KCTD1: variants seen among roughly 807,000 people sequenced by gnomAD.
KCTD1 encodes the protein BTB/POZ domain-containing protein KCTD1.
KCTD1 carries 24 observed loss-of-function variants against 66.0 expected under a neutral mutation model. That is an observed-to-expected ratio of 0.36 (90% CI 0.26 to 0.51). The LOEUF (loss-of-function observed/expected upper bound fraction) is 0.51. KCTD1 is among the 20% of genes least tolerant of loss of function. KCTD1 has a pLI of 0.95. For synonymous variants in KCTD1, 511 were observed against 517.2 expected (o/e 0.99, Z 0.16); for missense variants, 943 against 1,205.2 (o/e 0.78, Z 3.22).
intron 1 of KCTD1, among the ~76,000 whole-genome samples, chr18:26,634,246 G>A (rs1019275519): frequency 6.6e-6 from 1 of 152,184 alleles, no homozygotes; most frequent in African/African-American, 2.4e-5. Flanking sequence ...TGCACCTCTA[G>A]ACTAGCACAC....
intron 1 of KCTD1, among the ~76,000 whole-genome samples, chr18:26,579,161 C>A (rs1374321037): frequency 6.6e-6 from 1 of 152,152 alleles, no homozygotes; most frequent in African/African-American, 2.4e-5. Context: ...CCTCCAGCAC[C>A]TAGCTGGGCA....
At chr18:26,586,012 G>A (rs1986463250) in intron 1 of KCTD1, among the ~76,000 whole-genome samples, 1 of 152,158 alleles carries the variant, frequency 6.6e-6, no homozygotes, top group Non-Finnish European at 1.5e-5. Flanking sequence ...TCCAGCCTGG[G>A]CCACAGAGGA....
Position 26,547,550 on chromosome 18 carries a change from C to T in KCTD1, c.987G>A (p.Leu329=), listed in dbSNP as rs747001337. The T allele has an allele frequency of 4.5e-6, 7 of 1,551,542 alleles. No homozygotes were observed. The African/African-American group carries it at 9.6e-5, about 21-fold the overall frequency. Reference sequence around the variant, plus strand: ...TGGCCAGCCCAAAAGAGTCCTCCTCCAACTCACGCTGGTTCTCGCGGCCGC... The same window carrying T: ...TGGCCAGCCCAAAAGAGTCCTCCTCTAACTCACGCTGGTTCTCGCGGCCGC... ...CTRGRENQRE[L]EEDSFGLAMD... is the part of the protein sequence containing the mutation. Residue 329 remains leucine, a synonymous_variant, in exon 1 of 5, where the codon TTG becomes TTA. Coordinates refer to ENST00000580059, the MANE Select transcript of KCTD1 (RefSeq NM_001142730.3).
intron 1 of KCTD1, among the ~76,000 whole-genome samples, chr18:26,638,784 C>G (rs532323260): frequency 6.6e-6 from 1 of 152,236 alleles, no homozygotes; most frequent in African/African-American, 2.4e-5. Context: ...TCTTTCCTGA[C>G]TTTCTGACCT....
At chr18:26,619,790 G>A (rs1252493308) in intron 1 of KCTD1, among the ~76,000 whole-genome samples, 1 of 152,202 alleles carries the variant, frequency 6.6e-6, no homozygotes, top group Non-Finnish European at 1.5e-5. Flanking sequence ...CTGCAGAGTG[G>A]AGAGATGAAG....
upstream of KCTD1, among the ~76,000 whole-genome samples, chr18:26,631,153 C>A (rs568898351): frequency 5.3e-5 from 8 of 152,250 alleles, no homozygotes; most frequent in South Asian, 1.7e-3. Context: ...GAATCAAGCA[C>A]CTTATCAATA....
chr18:26,513,975 A>G (rs902308506), intron 1 of KCTD1, among the ~76,000 whole-genome samples: 3 of 152,254 alleles, frequency 2.0e-5, no homozygotes, highest in East Asian at 1.9e-4. Flanking sequence ...CTCCACTGGC[A>G]GGAGAAAACA....
intron 1 of KCTD1, among the ~76,000 whole-genome samples, chr18:26,561,643 C>T (rs1000352621): frequency 6.6e-6 from 1 of 152,190 alleles, no homozygotes; most frequent in Non-Finnish European, 1.5e-5. Flanking sequence ...TGCTCACAGC[C>T]ACTGATGAAG....
upstream of KCTD1, chr18:26,549,787 G>C (rs906656613): frequency 3.2e-5 from 32 of 985,394 alleles, no homozygotes; most frequent in Non-Finnish European, 2.4e-6. Context: ...CAGGCGCGCG[G>C]GGGCGGGCAC....
intron 1 of KCTD1, among the ~76,000 whole-genome samples, chr18:26,634,555 C>T (rs1019223664): frequency 4.0e-5 from 6 of 151,854 alleles, no homozygotes; most frequent in East Asian, 1.9e-4. Context: ...GCTAAAAGAC[C>T]GAGCTAAAAA....
rs764377207 is a variant in KCTD1 at position 26,455,853 on chromosome 18, C to A, written c.2488G>T (p.Gly830Trp). Residue 830 changes from glycine (G) to tryptophan (W), a missense_variant, in exon 5 of 5, where the codon GGG (glycine) becomes TGG (tryptophan). This residue lies in a region of KCTD1 where 162 missense variants were observed against 232.4 expected (regional missense o/e 0.70). Transcript: ENST00000580059. ...QRGFEIVGSC[G>W]GGVDSSQFSE... ...AACTGGGACGAGTCTACTCCTCCCC[C>A]ACAGGAGCCCACGATTTCAAATCCT... 4 of 1,614,070 alleles carry A rather than the reference C, an allele frequency of 2.5e-6. No homozygotes were observed. Among genetic ancestry groups the A allele is most frequent in the Non-Finnish European group, 1.7e-6 (2 of 1,180,030 alleles).
chr18:26,643,806 C>CA (rs1441991648), upstream of KCTD1, among the ~76,000 whole-genome samples: 41 of 152,206 alleles, frequency 2.7e-4, no homozygotes, highest in African/African-American at 9.6e-4. Context: ...ACTAAAAATA[C>CA]AAAAAATTAG....
chr18:26,458,961 G>C (rs1470616273), intron 4 of KCTD1: 1 of 152,174 alleles, frequency 6.6e-6, no homozygotes, highest in Non-Finnish European at 1.5e-5. Context: ...ATTTCCATTT[G>C]GCTCACATAC....
At chr18:26,618,094 G>GT (rs901216181) in intron 1 of KCTD1, among the ~76,000 whole-genome samples, 1 of 146,958 alleles carries the variant, frequency 6.8e-6, no homozygotes, top group African/African-American at 2.6e-5. Flanking sequence ...GAAGACCTAG[G>GT]TTTAAAAAAA....
intron 1 of KCTD1, among the ~76,000 whole-genome samples, chr18:26,517,146 G>A (rs1261847053): frequency 3.9e-5 from 6 of 152,182 alleles, no homozygotes; most frequent in African/African-American, 1.2e-4. Flanking sequence ...GGGACATTAG[G>A]AGTGCTGGTA....
At chr18:26,459,357 G>C (rs1187133500) in intron 4 of KCTD1, 1 of 402,068 alleles carries the variant, frequency 2.5e-6, no homozygotes, top group African/African-American at 2.0e-5. Context: ...TGGAGTGGCT[G>C]GGACTATAGG....
rs868399660 is a variant in KCTD1 at position 26,593,632 on chromosome 18, G to C, written c.-16+35515C>G. 1.6e-4 allele frequency among the ~76,000 whole-genome samples: 15 copies of C among 93,982 alleles called. 2 individuals carry two copies. The highest frequency in any genetic ancestry group is 8.2e-4 in the East Asian group (2 of 2,448). The allele number at this position is 93,982 out of a possible 152,430, so 61.7% of individuals were successfully genotyped here. A position where few individuals can be genotyped will look rare whatever the true frequency, so the allele number is the denominator to read the frequency against. On this transcript the variant is annotated intron_variant, in intron 1 of 4. Transcript: ENST00000317932. ...GGAAGACAAGGAGGAGGAGGAAGAT[G>C]AGGAGGAAGAGAAGGAAGAGGAGGA...
chr18:26,511,854 G>T lies in KCTD1; in HGVS notation c.1810-10604C>A, dbSNP rs190319439. On this transcript the variant is annotated intron_variant, in intron 1 of 4. Coordinates refer to ENST00000580059, the MANE Select transcript of KCTD1 (RefSeq NM_001142730.3). ...TACTGGCTGGAGGCTTAGAAGGAGG[G>T]TCAGTGATCACAGAGAAGGCGGGGA... Among the ~76,000 whole-genome samples the T allele has an allele frequency of 2.0e-5, 3 of 152,234 alleles. No homozygotes were observed. The East Asian group carries it at 5.8e-4, about 29-fold the overall frequency.
upstream of KCTD1, among the ~76,000 whole-genome samples, chr18:26,630,682 G>A (rs116888175): frequency 5.1e-3 from 779 of 152,300 alleles, 11 homozygotes; most frequent in Middle Eastern, 0.01. Context: ...TATGTATAAA[G>A]TATTTTTGCT....
Sources: gnomAD v4.1 joint callset for allele counts (sites outside exome capture counted in the v4.1 genomes callset) on GRCh38, gnomAD v4.1.1 for gene constraint, gnomAD v4.1.1 regional missense constraint, MANE v1.5 for transcripts, NCBI Gene and HGNC (gene_info 2026-07-23, HGNC 2026-07-21) for gene names.